The following PTPRN2 variants were observed in gnomAD, a reference collection of about 807,000 sequenced individuals.
PTPRN2 encodes protein tyrosine phosphatase receptor type N2.
PTPRN2 carries 74 observed loss-of-function variants against 118.8 expected under a neutral mutation model. The ratio of observed to expected loss-of-function variants is 0.62; its 90% CI spans 0.52 to 0.76. The LOEUF is 0.76. Ranked by LOEUF, PTPRN2 falls within the 30% of genes least tolerant of loss-of-function variation. The pLI is 0.00. For synonymous variants in PTPRN2, 641 were observed against 608.0 expected, an observed-to-expected ratio of 1.05 and a Z score of -0.80; for missense variants, 1,481 against 1,394.4, an observed-to-expected ratio of 1.06 and a Z score of -0.99.
intron 5 of PTPRN2, among the ~76,000 whole-genome samples, chr7:158,179,779 T>C (rs1201301850): frequency 1.3e-5 from 2 of 152,148 alleles, no homozygotes; most frequent in South Asian, 4.1e-4. Flanking sequence ...TTTCCATAAG[T>C]CTCACCCACC....
chr7:158,130,985 C>T (rs1026719742), intron 9 of PTPRN2, among the ~76,000 whole-genome samples: 1 of 151,608 alleles, frequency 6.6e-6, no homozygotes, highest in African/African-American at 2.4e-5. Flanking sequence ...CACAAACACA[C>T]ATATGCAGAA....
intron 10 of PTPRN2, among the ~76,000 whole-genome samples, chr7:158,109,772 CAGTG>C (rs1026767267): frequency 2.0e-5 from 3 of 151,138 alleles, no homozygotes; most frequent in African/African-American, 7.3e-5. Context: ...TGTGAAGCGT[CAGTG>C]AGTGAATGAC....
intron 10 of PTPRN2, among the ~76,000 whole-genome samples, chr7:158,098,228 G>A (rs146545388): frequency 2.4e-4 from 36 of 152,326 alleles, no homozygotes; most frequent in African/African-American, 8.7e-4. Context: ...GAGAAGCGCT[G>A]GACGCAGCAA....
chr7:158,461,362 G>A (rs868263827), intron 2 of PTPRN2, among the ~76,000 whole-genome samples: 1 of 152,108 alleles, frequency 6.6e-6, no homozygotes, highest in Non-Finnish European at 1.5e-5. Flanking sequence ...CGGGCGTGGT[G>A]GCAGGCGCCT....
intron 14 of PTPRN2, among the ~76,000 whole-genome samples, chr7:157,639,573 C>T (rs1804546968): frequency 6.6e-6 from 1 of 152,222 alleles, no homozygotes; most frequent in Non-Finnish European, 1.5e-5. Flanking sequence ...CCCCAGGAAT[C>T]CAAGCTGAAG....
chr7:158,124,028 C>T (rs573788610), intron 9 of PTPRN2, among the ~76,000 whole-genome samples: 12 of 151,848 alleles, frequency 7.9e-5, no homozygotes, highest in Admixed American at 1.3e-4. Context: ...TAATCTGATT[C>T]GACCTCAGAT....
chr7:157,955,104 G>T (rs769817899), intron 11 of PTPRN2, among the ~76,000 whole-genome samples: 1 of 152,072 alleles, frequency 6.6e-6, no homozygotes, highest in Non-Finnish European at 1.5e-5. Context: ...CCAGAAAGAC[G>T]GATCCACCGG....
chr7:157,748,302 T>C lies in PTPRN2; in HGVS notation c.1789-65365A>G, dbSNP rs537083436. 1.3e-3 allele frequency among the ~76,000 whole-genome samples: 176 copies of C among 136,526 alleles called. 1 individual carries two copies. The highest frequency in any genetic ancestry group is 4.2e-3 in the African/African-American group (162 of 38,396). The allele number at this position is 136,526 out of a possible 152,430, so 89.6% of individuals were successfully genotyped here. A position where few individuals can be genotyped will look rare whatever the true frequency, so the allele number is the denominator to read the frequency against. On this transcript the variant is annotated intron_variant, in intron 12 of 22. Transcript: ENST00000389418. Reference sequence around the variant, plus strand: ...CCTGAGCTGTGGGGTGTCTGGGGGATTCTGAGGCCTGCATCTCTGAGCAGA... The same window carrying C: ...CCTGAGCTGTGGGGTGTCTGGGGGACTCTGAGGCCTGCATCTCTGAGCAGA...
At chr7:157,956,182 C>T (rs924739228) in intron 11 of PTPRN2, among the ~76,000 whole-genome samples, 5 of 152,184 alleles carry the variant, frequency 3.3e-5, no homozygotes, top group Admixed American at 1.3e-4. Context: ...TAAGAACATT[C>T]ACAGTGTGTT....
At chr7:157,693,392 G>T (rs1797613827) in intron 12 of PTPRN2, among the ~76,000 whole-genome samples, 1 of 152,072 alleles carries the variant, frequency 6.6e-6, no homozygotes, top group Non-Finnish European at 1.5e-5. Context: ...TGCTGGGAGC[G>T]CCCTAGGGTC....
chr7:158,204,778 C>G (rs745723532), intron 4 of PTPRN2, among the ~76,000 whole-genome samples: 13 of 152,182 alleles, frequency 8.5e-5, no homozygotes, highest in Non-Finnish European at 1.6e-4. Context: ...ATATATTTAG[C>G]TCAGTATACG....
intron 11 of PTPRN2, among the ~76,000 whole-genome samples, chr7:157,912,423 G>C (rs1187309568): frequency 1.3e-5 from 2 of 152,120 alleles, no homozygotes; most frequent in Non-Finnish European, 2.9e-5. Context: ...CCAAAACTTT[G>C]TCAGTTATGT....
At chr7:157,823,698 TCTCACTC>T (rs1401414786) in intron 12 of PTPRN2, among the ~76,000 whole-genome samples, 3 of 152,330 alleles carry the variant, frequency 2.0e-5, no homozygotes, top group African/African-American at 7.2e-5. Flanking sequence ...TTTCAGATTT[TCTCACTC>T]ATTGGCTAGC....
intron 1 of PTPRN2, among the ~76,000 whole-genome samples, chr7:158,495,016 G>T (rs1395980754): frequency 1.3e-5 from 2 of 152,018 alleles, no homozygotes; most frequent in African/African-American, 4.8e-5. Context: ...CTGTGTCTTT[G>T]TCCTGTCCCC....
intron 12 of PTPRN2, among the ~76,000 whole-genome samples, chr7:157,814,080 T>C (rs1350143092): frequency 6.6e-6 from 1 of 152,236 alleles, no homozygotes; most frequent in African/African-American, 2.4e-5. Context: ...ACTGCCGTGC[T>C]GCGCAGGTGA....
At position 158,071,250 on chromosome 7, in the gene PTPRN2, A is replaced by G. The variant is rs1320634170; in HGVS notation, c.1723+10048T>C. Among the ~76,000 whole-genome samples the G allele has an allele frequency of 2.0e-3, 41 of 20,112 alleles. 6 individuals carry two copies. The highest frequency in any genetic ancestry group is 4.4e-3 in the Admixed American group (5 of 1,146). 13.2% of individuals were successfully genotyped at this position (20,112 alleles called of 152,430 possible). On this transcript the variant is annotated intron_variant, in intron 11 of 22. Coordinates refer to ENST00000389418, the MANE Select transcript of PTPRN2 (RefSeq NM_002847.5). ...CCGTGGTGGTGGAGGTGCTCGTAGT[A>G]TGGAGGTGCCCGTGGTGGTGGAGGT...
chr7:158,351,113 A>T (rs371619176), intron 2 of PTPRN2, among the ~76,000 whole-genome samples: 1 of 152,176 alleles, frequency 6.6e-6, no homozygotes, highest in Non-Finnish European at 1.5e-5. Context: ...GTCAGCATCA[A>T]ACTGTTATGC....
chr7:157,689,738 G>T (rs960050668), intron 12 of PTPRN2, among the ~76,000 whole-genome samples: 14 of 152,218 alleles, frequency 9.2e-5, no homozygotes, highest in African/African-American at 3.1e-4. Context: ...CCTGGGGTGG[G>T]GGAGGCGCTG....
intron 12 of PTPRN2, among the ~76,000 whole-genome samples, chr7:157,877,216 A>G (rs1795826804): frequency 7.2e-6 from 1 of 139,390 alleles, no homozygotes. Context: ...GTGCAGCACC[A>G]GGGTTTTCTC....
Sources: gnomAD v4.1 joint callset for allele counts (sites outside exome capture counted in the v4.1 genomes callset) on GRCh38, gnomAD v4.1.1 for gene constraint, MANE v1.5 for transcripts, NCBI Gene and HGNC (gene_info 2026-07-23, HGNC 2026-07-21) for gene names.